The following MED23 variants were observed in gnomAD, a reference collection of about 807,000 sequenced individuals.
MED23 encodes the protein mediator of RNA polymerase II transcription subunit 23.
Under a neutral mutation model 163.9 loss-of-function variants are expected in MED23, and 105 were observed. That is an observed-to-expected ratio of 0.64 (90% CI 0.55 to 0.75). The LOEUF is 0.75. MED23 is among the 30% of genes least tolerant of loss of function. The pLI is 0.00. For synonymous variants in MED23, 561 were observed against 565.6 expected, an observed-to-expected ratio of 0.99 and a Z score of 0.12; for missense variants, 1,054 against 1,649.0, an observed-to-expected ratio of 0.64 and a Z score of 6.25.
chr6:131,597,401 G>C (rs1047012109), intron 20 of MED23, among the ~76,000 whole-genome samples: 1 of 147,878 alleles, frequency 6.8e-6, no homozygotes, highest in Non-Finnish European at 1.5e-5. Context: ...GCGTGAACCC[G>C]GAAGGCAGAG....
chr6:131,604,426 C>A, intron 14 of MED23, 106 bp from the exon 15 acceptor site: 1 of 1,247,762 alleles, frequency 8.0e-7, no homozygotes, highest in Non-Finnish European at 1.1e-6. Context: ...TTAAATGATT[C>A]AAATGAAGTT....
chr6:131,581,349 T>A, intron 30 of MED23: 1 of 1,613,700 alleles, frequency 6.2e-7, no homozygotes, highest in East Asian at 2.2e-5. Flanking sequence ...ACAACCTGTA[T>A]CTTTCCTCCT....
At chr6:131,621,834 G>A (rs1164979045) in intron 6 of MED23, 47 bp downstream of exon 6, 24 of 1,330,692 alleles carry the variant, frequency 1.8e-5, no homozygotes, top group Non-Finnish European at 2.5e-5. Context: ...AACAAAGCTA[G>A]ACTTTTTTGA....
At chr6:131,615,785 T>C (rs1585549065) in intron 10 of MED23, 122 bp downstream of exon 10, 1 of 725,606 alleles carries the variant, frequency 1.4e-6, no homozygotes, top group Non-Finnish European at 2.4e-6. Context: ...AAACCATGTA[T>C]ATTTTTAAAA....
At chr6:131,618,604 G>T in intron 8 of MED23, 85 bp from the exon 9 acceptor site, 1 of 866,798 alleles carries the variant, frequency 1.2e-6, no homozygotes, top group South Asian at 1.4e-5. Context: ...GAACATATAT[G>T]CTGAAATAGG....
rs577089283 is a variant in MED23 at position 131,622,510 on chromosome 6, T to C, written c.397-531A>G. 2.6e-5 allele frequency among the ~76,000 whole-genome samples: 4 copies of C among 152,314 alleles called. No individual in the cohort carries two copies. In the East Asian group the frequency reaches 7.7e-4, roughly 29 times the overall value. On this transcript the variant is annotated intron_variant, in intron 5 of 28. Coordinates refer to ENST00000368068, the MANE Select transcript of MED23 (RefSeq NM_004830.4). ...TCATTTCCACATATCCAATACCAGT[T>C]ACATTATCTGATATATAAAGAAGAA...
Position 131,587,723 on chromosome 6 carries a change from G to T in MED23, c.4063C>A (p.Pro1355Thr). 1 of 1,614,142 alleles carries T rather than the reference G, an allele frequency of 6.2e-7. No homozygotes were observed. Among genetic ancestry groups the T allele is most frequent in the Non-Finnish European group, 8.5e-7 (1 of 1,180,010 alleles). ...PQAMNSGSPA[P>T]QSNQVPVSLP... ...GACACGGGCACCTGATTAGACTGAG[G>T]TGCTGGAGACCCACTGTTCATGGCT... Residue 1355 changes from proline (P) to threonine (T), a missense_variant, in exon 29 of 29, where the codon CCT becomes ACT. Around this residue, in one of 11 missense-constraint regions of MED23, gnomAD observed 362 missense variants for 471.6 expected, o/e 0.77. Coordinates refer to ENST00000368068, the MANE Select transcript of MED23 (RefSeq NM_004830.4).
At position 131,628,060 on chromosome 6, in the gene MED23, A is replaced by AC. The variant is rs1257638574; in HGVS notation, c.-12dup. 6.2e-7 allele frequency: 1 copy of AC among 1,612,702 alleles called. No homozygotes were observed. Among genetic ancestry groups the AC allele is most frequent in the Non-Finnish European group, 8.5e-7 (1 of 1,179,824 alleles). On this transcript the variant is annotated 5_prime_UTR_variant, in exon 1 of 29. Coordinates refer to ENST00000368068, the MANE Select transcript of MED23 (RefSeq NM_004830.4). ...CAGTTGCGTCTCCATCTGTACTATC[A>AC]CCCCCGCCTTTCCAGGGTGCCCGGC...
chr6:131,591,692 C>T (rs1774648905), intron 25 of MED23, 165 bp from the exon 26 acceptor site: 2 of 646,654 alleles, frequency 3.1e-6, no homozygotes, highest in Non-Finnish European at 5.5e-6. Context: ...TCAGTAACAA[C>T]CTGGGAGAAG....
chr6:131,591,192 A>G lies in MED23; in HGVS notation c.3686+121T>C, dbSNP rs909521498. The stretch of plus-strand genomic sequence containing the variant: ...ATGGGGTTTCACAATGTTGGCCAGG[A>G]TGGTCTCAATCGCCTGACCTTGTGA... On this transcript the variant is annotated intron_variant, in intron 26 of 28. Coordinates refer to ENST00000368068, the MANE Select transcript of MED23 (RefSeq NM_004830.4). The G allele has an allele frequency of 8.4e-4, 623 of 740,626 alleles. 7 individuals are homozygous for G. Among genetic ancestry groups the G allele is most frequent in the Non-Finnish European group, 2.4e-4 (100 of 422,944 alleles). The allele number at this position is 740,626 out of a possible 1,614,324, so 45.9% of individuals were successfully genotyped here.
intron 17 of MED23, among the ~76,000 whole-genome samples, chr6:131,600,558 G>A (rs1358500847): frequency 3.4e-4 from 52 of 152,198 alleles, no homozygotes; most frequent in Non-Finnish European, 7.3e-5. Context: ...CATAATGCAT[G>A]TATAAATCTC....
intron 12 of MED23, among the ~76,000 whole-genome samples, chr6:131,607,049 G>A (rs997084220): frequency 1.5e-4 from 22 of 151,696 alleles, no homozygotes; most frequent in Non-Finnish European, 2.2e-4. Context: ...TAAGAAATAC[G>A]CAACCTAAAT....
chr6:131,605,620 G>T, intron 13 of MED23, 135 bp from the exon 14 acceptor site: 1 of 844,656 alleles, frequency 1.2e-6, no homozygotes, highest in Non-Finnish European at 1.8e-6. Context: ...TATAGTTTCT[G>T]TGTGAAATGT....
At chr6:131,621,323 T>C (rs1240848173) in intron 6 of MED23, among the ~76,000 whole-genome samples, 1 of 151,808 alleles carries the variant, frequency 6.6e-6, no homozygotes, top group Non-Finnish European at 1.5e-5. Flanking sequence ...GTTATCATTA[T>C]AAAAAAATAA....
chr6:131,591,789 A>AT (rs1305911474), intron 25 of MED23: 1 of 486,980 alleles, frequency 2.1e-6, no homozygotes. Flanking sequence ...CAATTAATTT[A>AT]TCAAACAATA....
Position 131,623,452 on chromosome 6 carries a change from C to T in MED23, c.295G>A (p.Glu99Lys). 6.2e-7 allele frequency: 1 copy of T among 1,613,732 alleles called. No individual in the cohort carries two copies. The highest frequency in any genetic ancestry group is 8.5e-7 in the Non-Finnish European group (1 of 1,179,742). Residue 99 changes from glutamate to lysine, a missense_variant, in exon 5 of 29, where the codon GAA becomes AAA. Coordinates refer to ENST00000368068, the MANE Select transcript of MED23 (RefSeq NM_004830.4). ...AGAGTGTCAGAGTTTATCAGGGATT[C>T]ACAAACCAGCCTATAAAAAAAGAAA... ...TGLLPPRLVC[E>K]SLINSDTLEW...
At chr6:131,592,298 G>C (rs1029333940) in intron 25 of MED23, 90 bp downstream of exon 25, 5 of 1,093,308 alleles carry the variant, frequency 4.6e-6, no homozygotes, top group Non-Finnish European at 5.7e-6. Flanking sequence ...TCCCGTACAA[G>C]GGCATCCTAT....
At chr6:131,595,517 T>C (rs1309795508) in intron 22 of MED23, among the ~76,000 whole-genome samples, 1 of 152,244 alleles carries the variant, frequency 6.6e-6, no homozygotes, top group Non-Finnish European at 1.5e-5. Context: ...ACAATCTGTC[T>C]TTCCAATCTT....
chr6:131,617,453 G>A (rs1776777090), intron 9 of MED23, among the ~76,000 whole-genome samples: 1 of 149,664 alleles, frequency 6.7e-6, no homozygotes, highest in Non-Finnish European at 1.5e-5. Context: ...AACAGTTACG[G>A]CATTAAATTT....
Sources: gnomAD v4.1 joint callset for allele counts (sites outside exome capture counted in the v4.1 genomes callset) on GRCh38, gnomAD v4.1.1 for gene constraint, gnomAD v4.1.1 regional missense constraint, MANE v1.5 for transcripts, NCBI Gene and HGNC (gene_info 2026-07-23, HGNC 2026-07-21) for gene names.